Variants in RGL1 observed in about 807,000 individuals in gnomAD.
RGL1 encodes the protein ral guanine nucleotide dissociation stimulator like 1, also known as ral guanine nucleotide dissociation stimulator-like 1.
RGL1 carries 24 observed loss-of-function variants against 95.2 expected under a neutral mutation model. That is an observed-to-expected ratio of 0.25 (90% CI 0.18 to 0.35). The LOEUF (loss-of-function observed/expected upper bound fraction) is 0.35, where lower values mean the gene tolerates loss of function less well. Ranked by LOEUF, RGL1 falls within the 10% of genes least tolerant of loss-of-function variation. The pLI is 1.00. For missense variants in RGL1, 715 were observed against 936.3 expected (o/e 0.76, Z 3.08); for synonymous variants, 329 against 344.9 (o/e 0.95, Z 0.51).
At chr1:183,843,778 C>G (rs1456675830) in intron 2 of RGL1, among the ~76,000 whole-genome samples, 1 of 151,972 alleles carries the variant, frequency 6.6e-6, no homozygotes, top group Non-Finnish European at 1.5e-5. Flanking sequence ...AGAAGCCATT[C>G]CTTTTATTGT....
At chr1:183,650,826 C>T (rs946132908) in intron 1 of RGL1, among the ~76,000 whole-genome samples, 3 of 151,498 alleles carry the variant, frequency 2.0e-5, no homozygotes, top group Non-Finnish European at 4.4e-5. Flanking sequence ...GTTGTTTATC[C>T]CAATTTGAGA....
At chr1:183,665,390 G>T (rs186839699) in intron 1 of RGL1, among the ~76,000 whole-genome samples, 64 of 152,292 alleles carry the variant, frequency 4.2e-4, no homozygotes, top group Admixed American at 3.8e-3. Flanking sequence ...TTAGAGTAAT[G>T]CTGGTCTCAT....
intron 1 of RGL1, among the ~76,000 whole-genome samples, chr1:183,674,936 G>A (rs561813510): frequency 2.0e-5 from 3 of 152,082 alleles, no homozygotes; most frequent in South Asian, 4.2e-4. Context: ...GTAATTAGGC[G>A]GCTGTCCCAG....
chr1:183,717,286 A>T (rs1232705719), intron 1 of RGL1, among the ~76,000 whole-genome samples: 1 of 152,208 alleles, frequency 6.6e-6, no homozygotes, highest in Non-Finnish European at 1.5e-5. Flanking sequence ...CATCTTGCAT[A>T]GTTCATTGTT....
chr1:183,752,979 T>C (rs1024043093), intron 2 of RGL1, among the ~76,000 whole-genome samples: 1 of 152,168 alleles, frequency 6.6e-6, no homozygotes, highest in African/African-American at 2.4e-5. Context: ...TTTCCTTTTA[T>C]TTAACATTTT....
At chr1:183,831,688 A>G (rs781624525) in intron 2 of RGL1, among the ~76,000 whole-genome samples, 8 of 152,242 alleles carry the variant, frequency 5.3e-5, no homozygotes, top group Non-Finnish European at 1.2e-4. Context: ...TTTAGGGACT[A>G]TAATAATGTC....
At chr1:183,888,373 A>G in intron 7 of RGL1, 101 bp from the exon 8 acceptor site, 1 of 715,314 alleles carries the variant, frequency 1.4e-6, no homozygotes, top group Non-Finnish European at 2.4e-6. Flanking sequence ...TTTTGTGGTA[A>G]GAATTCATAG....
intron 1 of RGL1, among the ~76,000 whole-genome samples, chr1:183,709,047 G>A (rs1238171342): frequency 6.6e-6 from 1 of 152,206 alleles, no homozygotes. Context: ...AAATGAGACC[G>A]GGCAGGGGTT....
intron 2 of RGL1, among the ~76,000 whole-genome samples, chr1:183,845,196 G>A (rs1664337392): frequency 6.6e-6 from 1 of 152,162 alleles, no homozygotes; most frequent in African/African-American, 2.4e-5. Flanking sequence ...TTCAACTTGC[G>A]ATTCAGATAA....
At chr1:183,789,972 G>T (rs1660366142) in intron 2 of RGL1, among the ~76,000 whole-genome samples, 1 of 151,746 alleles carries the variant, frequency 6.6e-6, no homozygotes, top group Non-Finnish European at 1.5e-5. Flanking sequence ...CCAGGCTGGA[G>T]TGCAGTGGCA....
At chr1:183,649,610 A>G (rs1558133066) in intron 1 of RGL1, among the ~76,000 whole-genome samples, 3 of 152,186 alleles carry the variant, frequency 2.0e-5, no homozygotes. Context: ...TTGACATGTA[A>G]GAGTTTTCTT....
intron 13 of RGL1, among the ~76,000 whole-genome samples, chr1:183,905,695 G>A (rs903271562): frequency 6.6e-6 from 1 of 152,154 alleles, no homozygotes; most frequent in African/African-American, 2.4e-5. Flanking sequence ...TCACTTGAGT[G>A]CCCTGCCTGC....
chr1:183,668,935 C>CTTTTTTTTTTTTT lies in RGL1; in HGVS notation c.-33+32438_-33+32439insTTTTTTTTTTTTT, dbSNP rs551008973. On this transcript the variant is annotated intron_variant, in intron 1 of 18. Coordinates refer to the RGL1 transcript ENST00000304685. ...CTTTTTGCTTTTGGTATTGGACTTTCTTTTCTTTTTTTTTTTTTTTGAGAT... is the reference window on the plus strand; with the variant it reads ...CTTTTTGCTTTTGGTATTGGACTTTCTTTTTTTTTTTTTTTTTCTTTTTTTTTTTTTTTGAGAT... Among the ~76,000 whole-genome samples, 2 of 115,556 alleles carry CTTTTTTTTTTTTT rather than the reference C, an allele frequency of 1.7e-5. 1 individual carries two copies. 75.8% of individuals were successfully genotyped at this position (115,556 alleles called of 152,430 possible).
At chr1:183,858,172 G>A (rs1424493919) in intron 3 of RGL1, among the ~76,000 whole-genome samples, 1 of 152,056 alleles carries the variant, frequency 6.6e-6, no homozygotes, top group Non-Finnish European at 1.5e-5. Flanking sequence ...AAATGTAATG[G>A]GTGGTAACTG....
intron 2 of RGL1, among the ~76,000 whole-genome samples, chr1:183,756,131 C>T (rs951258718): frequency 6.6e-6 from 1 of 151,602 alleles, no homozygotes; most frequent in East Asian, 1.9e-4. Context: ...GTGAACCACC[C>T]GTCTCGGCCT....
intron 3 of RGL1, among the ~76,000 whole-genome samples, chr1:183,853,341 A>T (rs1170194529): frequency 6.6e-6 from 1 of 152,186 alleles, no homozygotes; most frequent in East Asian, 1.9e-4. Context: ...AGAAAAAAAA[A>T]GTAAGCAGAA....
chr1:183,921,088 C>G (rs1669285764), intron 16 of RGL1, among the ~76,000 whole-genome samples: 2 of 152,094 alleles, frequency 1.3e-5, no homozygotes, highest in African/African-American at 4.8e-5. Flanking sequence ...AAGAAATCAC[C>G]CAAGGTATGG....
chr1:183,647,901 A>G (rs1650418115), intron 1 of RGL1: 1 of 1,614,066 alleles, frequency 6.2e-7, no homozygotes, highest in African/African-American at 1.3e-5. Flanking sequence ...AGGCACTAGC[A>G]CAAAAACAAC....
chr1:183,829,698 A>G (rs1663127557), intron 2 of RGL1, among the ~76,000 whole-genome samples: 1 of 151,282 alleles, frequency 6.6e-6, no homozygotes, highest in Non-Finnish European at 1.5e-5. Flanking sequence ...AGCTTCCACC[A>G]CTCTCCCTTG....
Sources: gnomAD v4.1 joint callset for allele counts (sites outside exome capture counted in the v4.1 genomes callset) on GRCh38, gnomAD v4.1.1 for gene constraint, MANE v1.5 for transcripts, NCBI Gene and HGNC (gene_info 2026-07-23, HGNC 2026-07-21) for gene names.